Variants in FAM107A observed in about 807,000 individuals in gnomAD.
FAM107A encodes the protein actin-associated protein FAM107A.
FAM107A carries 19 observed loss-of-function variants against 13.7 expected under a neutral mutation model. That is an observed-to-expected ratio of 1.38 (90% CI 0.97 to 2.03). FAM107A has a LOEUF of 2.03. FAM107A is among the 30% of genes most tolerant of loss of function. The pLI is 0.00. For synonymous variants in FAM107A, 82 were observed against 74.5 expected (o/e 1.10, Z -0.52); for missense variants, 203 against 184.4 (o/e 1.10, Z -0.58).
intron 1 of FAM107A, 150 bp from the exon 2 acceptor site, chr3:58,570,015 G>A: frequency 1.4e-6 from 1 of 693,050 alleles, no homozygotes. Context: ...GACTTTCTGA[G>A]CCTTAGTTTC....
At position 58,564,856 on chromosome 3, in the gene FAM107A, T is replaced by A. The variant is rs772457983; in HGVS notation, c.*1732A>T. The A allele has an allele frequency of 2.6e-5, 4 of 152,270 alleles. No homozygotes were observed. The highest frequency in any genetic ancestry group is 7.2e-5 in the African/African-American group (3 of 41,450). The allele number at this position is 152,270 out of a possible 1,614,324, so 9.4% of individuals were successfully genotyped here. The stretch of plus-strand genomic sequence containing the variant: ...TTCAGGAGCCTCTTGGAGCTTGACT[T>A]ATACACACGCACACAGGCGCAATAT... On this transcript the variant is annotated 3_prime_UTR_variant, in exon 4 of 4. Transcript: ENST00000360997. The surrounding 1 kb of genome is among the most constrained non-coding windows in gnomAD (Gnocchi z 5.6).
At chr3:58,608,276 C>T (rs1350654600) in intron 1 of FAM107A, among the ~76,000 whole-genome samples, 2 of 151,924 alleles carry the variant, frequency 1.3e-5, no homozygotes, top group Admixed American at 6.6e-5. Context: ...TTTTAATTTT[C>T]GTCATTCATT....
At chr3:58,626,094 G>A (rs1409773964) in intron 1 of FAM107A, among the ~76,000 whole-genome samples, 1 of 152,174 alleles carries the variant, frequency 6.6e-6, no homozygotes, top group Non-Finnish European at 1.5e-5. Context: ...GGTGGATCTG[G>A]GACACGGCAG....
At chr3:58,621,328 G>A (rs1328852143) in intron 1 of FAM107A, among the ~76,000 whole-genome samples, 1 of 152,118 alleles carries the variant, frequency 6.6e-6, no homozygotes, top group Non-Finnish European at 1.5e-5. Flanking sequence ...AGCTTTCTGG[G>A]GTTGTGACCT....
intron 1 of FAM107A, among the ~76,000 whole-genome samples, chr3:58,619,942 G>A (rs899571051): frequency 6.6e-6 from 1 of 152,104 alleles, no homozygotes; most frequent in Admixed American, 6.5e-5. Context: ...GGAGGGGAAG[G>A]AGGGACATGT....
chr3:58,568,227 G>A (rs959240980), intron 2 of FAM107A, among the ~76,000 whole-genome samples: 22 of 152,110 alleles, frequency 1.4e-4, no homozygotes, highest in African/African-American at 5.3e-4. Flanking sequence ...GAGGTCAGGA[G>A]ACCGAGACCA....
In FAM107A at chr3:58,604,434, G is replaced by T. The variant is rs543660094; in HGVS notation, c.-69-15165C>A. The stretch of plus-strand genomic sequence containing the variant: ...CTGGAGAGAAAGGGCCCTTTGAGAT[G>T]ATCTGCCTGCACCCTCCATTATATA... On this transcript the variant is annotated intron_variant, in intron 1 of 3. Transcript: ENST00000465970. The surrounding 1 kb of genome is among the most constrained non-coding windows in gnomAD (Gnocchi z 4.1). Among the ~76,000 whole-genome samples, 9 of 152,128 alleles carry T rather than the reference G, an allele frequency of 5.9e-5. No individual in the cohort carries two copies. The highest frequency in any genetic ancestry group is 2.0e-4 in the Admixed American group (3 of 15,292).
chr3:58,580,646 T>A (rs964400206), upstream of FAM107A, among the ~76,000 whole-genome samples: 3 of 152,044 alleles, frequency 2.0e-5, no homozygotes, highest in Non-Finnish European at 4.4e-5. Flanking sequence ...ACTCTTGGCC[T>A]CAAGTGTTCC....
chr3:58,587,038 C>T (rs1459386949), exon 1 of FAM107A: 10 of 1,374,944 alleles, frequency 7.3e-6, no homozygotes, highest in African/African-American at 1.5e-5. Context: ...TGACGCGGCC[C>T]CAAGTCCCAA....
At chr3:58,570,422 CCCTAATAGCA>C in intron 1 of FAM107A, 1 of 973,994 alleles carries the variant, frequency 1.0e-6, no homozygotes, top group Middle Eastern at 5.3e-4. Context: ...ACTGCTGTGT[CCCTAATAGCA>C]AAGGGATAGT....
At chr3:58,586,285 A>G (rs531736200) in intron 1 of FAM107A, among the ~76,000 whole-genome samples, 1 of 152,116 alleles carries the variant, frequency 6.6e-6, no homozygotes, top group African/African-American at 2.4e-5. Context: ...AGGAGGTGGA[A>G]CCTCACAGGA....
At chr3:58,589,200 A>G (rs2065634986), upstream of FAM107A, 1 of 1,527,494 alleles carries the variant, frequency 6.5e-7, no homozygotes, top group East Asian at 2.4e-5. Context: ...AGCGGGTCTG[A>G]CTTACCTGAG....
chr3:58,609,363 A>G (rs2065830872), intron 1 of FAM107A: 1 of 152,240 alleles, frequency 6.6e-6, no homozygotes, highest in Non-Finnish European at 1.5e-5. Context: ...CAATGTAGAA[A>G]GTGGAAAAAA....
At position 58,586,096 on chromosome 3, in the gene FAM107A, C is replaced by G. The variant is rs185618631; in HGVS notation, c.79+762G>C. 9.9e-3 allele frequency among the ~76,000 whole-genome samples: 1,507 copies of G among 152,306 alleles called. 25 individuals are homozygous for G. The highest frequency in any genetic ancestry group is 0.051 in the South Asian group (248 of 4,830). Reference sequence around the variant, plus strand: ...ATCTGCCTTCCCTTCCCCTCCCCACCTTGTGTCATGCCTCACTGGACAGCA... The same window carrying G: ...ATCTGCCTTCCCTTCCCCTCCCCACGTTGTGTCATGCCTCACTGGACAGCA... On this transcript the variant is annotated intron_variant, in intron 1 of 3. Transcript: ENST00000447756.
chr3:58,566,201 C>T lies in FAM107A; in HGVS notation c.*387G>A, dbSNP rs1028909121. ...TCTGAGACCTAGGAGCTGGGGTGTA[C>T]GGAGAAGCGGGGCCCTGGGGAGCCT... On this transcript the variant is annotated 3_prime_UTR_variant, in exon 4 of 4. Transcript: ENST00000360997. 13 of 171,690 alleles carry T rather than the reference C, an allele frequency of 7.6e-5. No individual in the cohort carries two copies. Among genetic ancestry groups the T allele is most frequent in the Non-Finnish European group, 1.3e-4 (11 of 81,644 alleles). 10.6% of individuals were successfully genotyped at this position (171,690 alleles called of 1,614,324 possible). A position where few individuals can be genotyped will look rare whatever the true frequency, so the allele number is the denominator to read the frequency against.
At chr3:58,607,304 G>A (rs1013123856) in intron 1 of FAM107A, among the ~76,000 whole-genome samples, 2 of 152,196 alleles carry the variant, frequency 1.3e-5, no homozygotes, top group African/African-American at 4.8e-5. Flanking sequence ...TAACTTTGCA[G>A]TTGCCAACCT....
intron 1 of FAM107A, among the ~76,000 whole-genome samples, chr3:58,594,160 C>G (rs1284357137): frequency 2.0e-5 from 3 of 152,200 alleles, no homozygotes; most frequent in Non-Finnish European, 4.4e-5. Context: ...CTTTTCAGCT[C>G]CGCATTACAG....
In FAM107A at chr3:58,604,241, C is replaced by A. The variant is rs539151625; in HGVS notation, c.-69-14972G>T. Among the ~76,000 whole-genome samples the A allele has an allele frequency of 3.9e-5, 6 of 152,224 alleles. No individual in the cohort carries two copies. Among genetic ancestry groups the A allele is most frequent in the African/African-American group, 1.4e-4 (6 of 41,546 alleles). On this transcript the variant is annotated intron_variant, in intron 1 of 3. Coordinates refer to the FAM107A transcript ENST00000465970. The surrounding 1 kb of genome is among the most constrained non-coding windows in gnomAD (Gnocchi z 4.1). Reference sequence around the variant, plus strand: ...TTCCTTTGGAAAATGAGCTCAGTCTCTGCCCACAATTCAACATTATTATAC... The same window carrying A: ...TTCCTTTGGAAAATGAGCTCAGTCTATGCCCACAATTCAACATTATTATAC...
chr3:58,626,919 C>T, intron 1 of FAM107A: 2 of 1,523,138 alleles, frequency 1.3e-6, no homozygotes, highest in Non-Finnish European at 1.8e-6. Flanking sequence ...TTGCTAGGTC[C>T]AGTCTCCCTT....
Sources: allele counts gnomAD v4.1 joint callset (sites outside exome capture counted in the v4.1 genomes callset), GRCh38; gene constraint gnomAD v4.1.1; non-coding constraint Gnocchi (gnomAD v3.1); transcripts MANE v1.5; gene names NCBI Gene and HGNC (gene_info 2026-07-23, HGNC 2026-07-21).